NAALADL2: variants seen among roughly 807,000 people sequenced by gnomAD.
NAALADL2 encodes N-acetylated alpha-linked acidic dipeptidase like 2.
In NAALADL2, 76 loss-of-function variants were observed where a neutral mutation model predicts 87.2. That is an observed-to-expected ratio of 0.87 (90% confidence interval 0.72 to 1.05). The LOEUF is 1.05. NAALADL2 is among the 50% of genes least tolerant of loss of function. NAALADL2 has a pLI of 0.00. For synonymous variants in NAALADL2, 354 were observed against 331.0 expected (o/e 1.07, Z -0.75); for missense variants, 1,089 against 945.8 (o/e 1.15, Z -1.99).
intron 5 of NAALADL2, among the ~76,000 whole-genome samples, chr3:175,375,328 A>G (rs1479875092): frequency 6.6e-6 from 1 of 152,200 alleles, no homozygotes; most frequent in Non-Finnish European, 1.5e-5. Context: ...ATAGCCCATT[A>G]GAATTTTTAC....
chr3:175,767,993 A>T (rs957077915), intron 13 of NAALADL2, among the ~76,000 whole-genome samples: 8 of 152,202 alleles, frequency 5.3e-5, no homozygotes, highest in Non-Finnish European at 1.0e-4. Flanking sequence ...TGACTAATTT[A>T]TCCAGAGAAA....
At chr3:175,572,205 G>T (rs1718180491) in intron 9 of NAALADL2, among the ~76,000 whole-genome samples, 1 of 152,026 alleles carries the variant, frequency 6.6e-6, no homozygotes, top group African/African-American at 2.4e-5. Context: ...CTCCCTTTGG[G>T]CTTGATGATG....
At chr3:175,491,415 A>G (rs987371404) in intron 9 of NAALADL2, among the ~76,000 whole-genome samples, 1 of 151,828 alleles carries the variant, frequency 6.6e-6, no homozygotes. Flanking sequence ...GCTTCTTAAT[A>G]GTTTGTCTTT....
intron 4 of NAALADL2, among the ~76,000 whole-genome samples, chr3:175,263,477 C>T (rs1392931627): frequency 2.6e-5 from 4 of 151,866 alleles, no homozygotes; most frequent in African/African-American, 9.7e-5. Context: ...AGAAGTCATG[C>T]ATGTGTTTTG....
At chr3:174,549,133 G>A (rs1484209191) in intron 1 of NAALADL2, among the ~76,000 whole-genome samples, 4 of 152,302 alleles carry the variant, frequency 2.6e-5, no homozygotes, top group East Asian at 1.9e-4. Flanking sequence ...GAGCCACCAC[G>A]TCTGGCTTGC....
intron 1 of NAALADL2, among the ~76,000 whole-genome samples, chr3:174,498,030 T>C (rs944167377): frequency 6.6e-6 from 1 of 152,136 alleles, no homozygotes; most frequent in Non-Finnish European, 1.5e-5. Context: ...TTTTAACAGC[T>C]TTAATGAAGT....
intron 1 of NAALADL2, among the ~76,000 whole-genome samples, chr3:174,897,094 A>C (rs1731634577): frequency 6.6e-6 from 1 of 152,202 alleles, no homozygotes; most frequent in Non-Finnish European, 1.5e-5. Flanking sequence ...ACTCTCCAGG[A>C]TATTGGTCTG....
rs919856492 is a variant in NAALADL2 at position 175,633,257 on chromosome 3, A to T, written c.1896+5871A>T. 5.3e-5 allele frequency among the ~76,000 whole-genome samples: 8 copies of T among 152,078 alleles called. No homozygotes were observed. In the East Asian group the frequency reaches 1.5e-3, roughly 29 times the overall value. On this transcript the variant is annotated intron_variant, in intron 11 of 13. Transcript: ENST00000454872. The stretch of plus-strand genomic sequence containing the variant: ...CCTCAGATCTTTGCTATTCTCAGTA[A>T]AAAGCTCCACTTGGCTTGTTCCTCA...
At chr3:175,768,597 C>A (rs1440147644) in intron 13 of NAALADL2, among the ~76,000 whole-genome samples, 1 of 152,118 alleles carries the variant, frequency 6.6e-6, no homozygotes, top group Admixed American at 6.5e-5. Flanking sequence ...CGCCTGTAAT[C>A]CTGGCACTTT....
chr3:175,647,853 A>G lies in NAALADL2; in HGVS notation c.1896+20467A>G, dbSNP rs114200313. On this transcript the variant is annotated intron_variant, in intron 11 of 13. Coordinates refer to ENST00000454872, the MANE Select transcript of NAALADL2 (RefSeq NM_207015.3). ...GCAAAAAGAAAGTCTCTAGCCAGCC[A>G]CTCTCATTTCTTGCGCTTGTTAGTT... 6.7e-3 allele frequency among the ~76,000 whole-genome samples: 1,016 copies of G among 152,054 alleles called. 10 individuals are homozygous for G. The highest frequency in any genetic ancestry group is 0.023 in the African/African-American group (973 of 41,478).
chr3:174,603,868 T>A (rs1053252549), intron 2 of NAALADL2, among the ~76,000 whole-genome samples: 6 of 152,182 alleles, frequency 3.9e-5, no homozygotes, highest in Admixed American at 2.6e-4. Context: ...ATTTGCATTG[T>A]TTCTAAAATT....
chr3:175,091,539 A>C (rs1720124686), intron 1 of NAALADL2, among the ~76,000 whole-genome samples: 1 of 152,154 alleles, frequency 6.6e-6, no homozygotes, highest in Middle Eastern at 3.4e-3. Flanking sequence ...ATGTGTTCTT[A>C]ATTCTAATAA....
chr3:175,120,699 A>G (rs1726019746), intron 2 of NAALADL2, among the ~76,000 whole-genome samples: 1 of 151,824 alleles, frequency 6.6e-6, no homozygotes, highest in African/African-American at 2.4e-5. Flanking sequence ...CAACTGGTTG[A>G]AAAGTGTAGC....
chr3:174,928,448 G>T (rs1470263810), intron 1 of NAALADL2, among the ~76,000 whole-genome samples: 2 of 151,990 alleles, frequency 1.3e-5, no homozygotes, highest in Admixed American at 6.6e-5. Context: ...CACCATGTTG[G>T]CCAGGCTAGT....
intron 4 of NAALADL2, among the ~76,000 whole-genome samples, chr3:175,320,591 A>G (rs1162956525): frequency 6.6e-6 from 1 of 152,186 alleles, no homozygotes; most frequent in African/African-American, 2.4e-5. Context: ...CAACATTTTA[A>G]TGACTGGTGT....
chr3:174,566,330 A>G (rs895795885), intron 2 of NAALADL2, among the ~76,000 whole-genome samples: 7 of 151,822 alleles, frequency 4.6e-5, no homozygotes, highest in African/African-American at 1.4e-4. Flanking sequence ...TTTGAGGACA[A>G]TATTTTGTAG....
At chr3:174,863,578 G>GA (rs535994765) in intron 1 of NAALADL2, among the ~76,000 whole-genome samples, 340 of 142,860 alleles carry the variant, frequency 2.4e-3, no homozygotes, top group Middle Eastern at 7.0e-3. Context: ...ATAAGTAAAA[G>GA]AAAAAAAAAA....
At chr3:174,710,841 C>T (rs1237791347) in intron 2 of NAALADL2, among the ~76,000 whole-genome samples, 1 of 152,168 alleles carries the variant, frequency 6.6e-6, no homozygotes, top group Non-Finnish European at 1.5e-5. Context: ...GAGAATTACT[C>T]AGCCTAGCGA....
intron 11 of NAALADL2, among the ~76,000 whole-genome samples, chr3:175,632,983 G>A (rs1398349682): frequency 6.6e-6 from 1 of 152,074 alleles, no homozygotes; most frequent in Non-Finnish European, 1.5e-5. Flanking sequence ...TGGCAGCACA[G>A]GTTACAGGAA....
Sources: gnomAD v4.1 joint callset for allele counts (sites outside exome capture counted in the v4.1 genomes callset) on GRCh38, gnomAD v4.1.1 for gene constraint, MANE v1.5 for transcripts, NCBI Gene and HGNC (gene_info 2026-07-23, HGNC 2026-07-21) for gene names.